Variants in HCN1 observed in about 807,000 individuals in gnomAD.
HCN1 encodes hyperpolarization activated cyclic nucleotide gated potassium channel 1.
A neutral mutation model predicts 78.9 loss-of-function variants in HCN1; 13 were observed. That is an observed-to-expected ratio of 0.16 (90% CI 0.11 to 0.26). The LOEUF (loss-of-function observed/expected upper bound fraction) is 0.26. Among genes scored for constraint, HCN1 ranks in the 10% least tolerant of loss-of-function variants. HCN1 has a pLI of 1.00. For synonymous variants in HCN1, 552 were observed against 455.5 expected, an observed-to-expected ratio of 1.21 and a Z score of -2.70; for missense variants, 810 against 1,154.3, an observed-to-expected ratio of 0.70 and a Z score of 4.32.
intron 5 of HCN1, among the ~76,000 whole-genome samples, chr5:45,334,899 T>TA (rs1295416605): frequency 2.0e-5 from 3 of 152,004 alleles, no homozygotes; most frequent in Non-Finnish European, 4.4e-5. Flanking sequence ...AGAAGGCATT[T>TA]AAAAAATCAA....
chr5:45,529,910 T>C (rs544156363), intron 2 of HCN1, among the ~76,000 whole-genome samples: 12 of 152,272 alleles, frequency 7.9e-5, no homozygotes, highest in Middle Eastern at 3.4e-3. Context: ...TGATAAATTA[T>C]AGATGTGACA....
intron 3 of HCN1, among the ~76,000 whole-genome samples, chr5:45,460,726 G>A (rs562654550): frequency 6.8e-6 from 1 of 146,672 alleles, no homozygotes. Flanking sequence ...AGGAAGGAAG[G>A]AGGACAATAG....
At chr5:45,669,030 A>C (rs950545551) in intron 1 of HCN1, among the ~76,000 whole-genome samples, 1 of 151,818 alleles carries the variant, frequency 6.6e-6, no homozygotes, top group South Asian at 2.1e-4. Flanking sequence ...TAGATCTTAA[A>C]ATCTTGAGAA....
intron 2 of HCN1, among the ~76,000 whole-genome samples, chr5:45,601,247 C>CA (rs1474487007): frequency 9.2e-5 from 14 of 151,696 alleles, no homozygotes; most frequent in South Asian, 2.1e-4. Flanking sequence ...TGGTTTGGAA[C>CA]AAAAAAAATC....
At chr5:45,683,140 T>C (rs1739736746) in intron 1 of HCN1, among the ~76,000 whole-genome samples, 1 of 151,944 alleles carries the variant, frequency 6.6e-6, no homozygotes, top group South Asian at 2.1e-4. Flanking sequence ...TTTTTTATTT[T>C]TTTTTACCAT....
intron 2 of HCN1, among the ~76,000 whole-genome samples, chr5:45,534,826 C>A (rs1029076818): frequency 3.3e-5 from 5 of 152,140 alleles, no homozygotes; most frequent in South Asian, 2.1e-4. Context: ...CATATAGTTT[C>A]TTTTCAGAGC....
At chr5:45,372,170 ATTATAT>A (rs1747402990) in intron 4 of HCN1, among the ~76,000 whole-genome samples, 1 of 60,252 alleles carries the variant, frequency 1.7e-5, no homozygotes, top group South Asian at 5.3e-4. Flanking sequence ...ATTATATATA[ATTATAT>A]TATAATATAA....
intron 5 of HCN1, among the ~76,000 whole-genome samples, chr5:45,313,797 TGAGAA>T (rs1477824924): frequency 6.6e-6 from 1 of 151,852 alleles, no homozygotes; most frequent in Non-Finnish European, 1.5e-5. Context: ...TGAAATGAAG[TGAGAA>T]GAGAAGTTTA....
intron 2 of HCN1, among the ~76,000 whole-genome samples, chr5:45,602,157 T>G (rs1744637872): frequency 1.3e-5 from 2 of 152,098 alleles, no homozygotes. Flanking sequence ...TAAACCACCT[T>G]CCTTTATAAC....
intron 2 of HCN1, among the ~76,000 whole-genome samples, chr5:45,587,668 T>G (rs1744262180): frequency 6.6e-6 from 1 of 152,146 alleles, no homozygotes; most frequent in Non-Finnish European, 1.5e-5. Context: ...CTGCACGTTG[T>G]GTACATGTAC....
At chr5:45,499,190 G>A (rs191850415) in intron 2 of HCN1, among the ~76,000 whole-genome samples, 41 of 152,302 alleles carry the variant, frequency 2.7e-4, no homozygotes, top group Admixed American at 5.9e-4. Context: ...CTTTGCTGCC[G>A]CCTTGCAGTT....
chr5:45,569,456 G>A (rs1262243390), intron 2 of HCN1, among the ~76,000 whole-genome samples: 1 of 152,004 alleles, frequency 6.6e-6, no homozygotes, highest in Non-Finnish European at 1.5e-5. Context: ...ATGGCTGAAA[G>A]TTTGTTTGAT....
intron 3 of HCN1, among the ~76,000 whole-genome samples, chr5:45,446,204 G>C (rs1195079021): frequency 6.6e-6 from 1 of 152,170 alleles, no homozygotes; most frequent in Non-Finnish European, 1.5e-5. Flanking sequence ...GGAGCTGATG[G>C]AGCTGAAAGC....
chr5:45,585,592 A>G (rs528936464), intron 2 of HCN1, among the ~76,000 whole-genome samples: 1 of 152,190 alleles, frequency 6.6e-6, no homozygotes, highest in East Asian at 1.9e-4. Flanking sequence ...TTGGAGGAGG[A>G]GAGGCACTCT....
intron 5 of HCN1, among the ~76,000 whole-genome samples, chr5:45,349,829 A>T (rs1178737953): frequency 6.6e-6 from 1 of 152,112 alleles, no homozygotes; most frequent in Non-Finnish European, 1.5e-5. Flanking sequence ...ACCAGGAAGA[A>T]GTTGAATCTC....
intron 6 of HCN1, among the ~76,000 whole-genome samples, chr5:45,289,463 A>C (rs925614154): frequency 2.6e-5 from 4 of 152,108 alleles, no homozygotes; most frequent in African/African-American, 9.7e-5. Flanking sequence ...ACAATGGAGC[A>C]TTATAATAAT....
At chr5:45,457,099 C>T (rs891778870) in intron 3 of HCN1, among the ~76,000 whole-genome samples, 2 of 151,896 alleles carry the variant, frequency 1.3e-5, no homozygotes, top group African/African-American at 4.8e-5. Flanking sequence ...ACATGGACTC[C>T]CTGACAGTAA....
chr5:45,286,649 C>G (rs988462177), intron 6 of HCN1, among the ~76,000 whole-genome samples: 1 of 151,936 alleles, frequency 6.6e-6, no homozygotes, highest in Non-Finnish European at 1.5e-5. Flanking sequence ...TTAGACACAT[C>G]TTTTGAGATT....
chr5:45,567,063 T>C (rs1490236243), intron 2 of HCN1, among the ~76,000 whole-genome samples: 1 of 152,148 alleles, frequency 6.6e-6, no homozygotes, highest in Non-Finnish European at 1.5e-5. Context: ...AATATTGTTG[T>C]CAATACATAG....
Sources: allele counts gnomAD v4.1 joint callset (sites outside exome capture counted in the v4.1 genomes callset), GRCh38; gene constraint gnomAD v4.1.1; transcripts MANE v1.5; gene names NCBI Gene and HGNC (gene_info 2026-07-23, HGNC 2026-07-21).